Variants in ZNF407 observed in about 807,000 individuals in gnomAD.
The protein encoded by ZNF407 is zinc finger protein 407.
Under a neutral mutation model 131.2 loss-of-function variants are expected in ZNF407, and 17 were observed. The observed-to-expected ratio is 0.13, with a 90% CI of 0.09 to 0.19. The LOEUF (loss-of-function observed/expected upper bound fraction) is 0.19. ZNF407 is among the 10% of genes least tolerant of loss of function. The pLI is 1.00. For missense variants in ZNF407, 2,681 were observed against 2,830.6 expected (o/e 0.95, Z 1.20); for synonymous variants, 1,156 against 1,062.0 (o/e 1.09, Z -1.72).
chr18:74,665,379 C>T (rs942172052), intron 3 of ZNF407, among the ~76,000 whole-genome samples: 16 of 152,304 alleles, frequency 1.1e-4, no homozygotes, highest in South Asian at 2.1e-4. Context: ...GGGGAACCAG[C>T]TATTGTATCT....
At chr18:74,621,993 G>T (rs927924815) in intron 1 of ZNF407, among the ~76,000 whole-genome samples, 10 of 152,068 alleles carry the variant, frequency 6.6e-5, no homozygotes, top group African/African-American at 2.4e-4. Context: ...CTAGTGAATG[G>T]TTTTTTAGGG....
chr18:75,053,281 A>G (rs529459562), intron 8 of ZNF407, among the ~76,000 whole-genome samples: 1 of 152,298 alleles, frequency 6.6e-6, no homozygotes, highest in African/African-American at 2.4e-5. Flanking sequence ...TGCACAGTGC[A>G]CCAGGTGGAC....
intron 7 of ZNF407, among the ~76,000 whole-genome samples, chr18:74,915,651 T>TGTGC: frequency 8.6e-6 from 1 of 115,660 alleles, no homozygotes; most frequent in African/African-American, 3.5e-5. Context: ...TGCATGTGTG[T>TGTGC]GCTGGTATGG....
At chr18:74,942,188 T>A in intron 8 of ZNF407, among the ~76,000 whole-genome samples, 1 of 152,204 alleles carries the variant, frequency 6.6e-6, no homozygotes, top group South Asian at 2.1e-4. Context: ...CACCAGAAAC[T>A]TTTTTGCACG....
At chr18:74,980,921 ATTT>A (rs1275623479) in intron 8 of ZNF407, among the ~76,000 whole-genome samples, 20 of 152,058 alleles carry the variant, frequency 1.3e-4, no homozygotes, top group Admixed American at 1.2e-3. Flanking sequence ...GGATTGGAGT[ATTT>A]TTGCCATCTA....
intron 6 of ZNF407, among the ~76,000 whole-genome samples, chr18:74,883,434 A>C (rs1599219345): frequency 6.6e-6 from 1 of 152,306 alleles, no homozygotes; most frequent in East Asian, 1.9e-4. Context: ...ACCACAGAGT[A>C]CCCACGCAAA....
Position 74,810,420 on chromosome 18 carries a change from T to A in ZNF407, c.4877+28918T>A, listed in dbSNP as rs180929759. ...ACTGAATGATCATGTAGGATTCTGC[T>A]GTGAAATTCATGTGCATTTTAAAGC... On this transcript the variant is annotated intron_variant, in intron 4 of 8. Transcript: ENST00000299687. 2.6e-3 allele frequency among the ~76,000 whole-genome samples: 398 copies of A among 152,134 alleles called. 4 individuals carry two copies. Among genetic ancestry groups the A allele is most frequent in the African/African-American group, 9.1e-3 (376 of 41,492 alleles).
intron 8 of ZNF407, among the ~76,000 whole-genome samples, chr18:74,994,348 A>G (rs974701296): frequency 3.3e-5 from 5 of 152,262 alleles, no homozygotes; most frequent in Non-Finnish European, 5.9e-5. Context: ...TGCAACTTGT[A>G]AATTTGACAT....
chr18:74,743,712 C>T (rs1210590934), intron 3 of ZNF407, among the ~76,000 whole-genome samples: 3 of 151,870 alleles, frequency 2.0e-5, no homozygotes, highest in Non-Finnish European at 4.4e-5. Context: ...TTCCTTCTGC[C>T]ATTATCTCTA....
At chr18:74,920,998 A>G (rs1207375616) in intron 8 of ZNF407, 1 of 1,065,348 alleles carries the variant, frequency 9.4e-7, no homozygotes, top group Non-Finnish European at 1.1e-6. Flanking sequence ...TTAAATCTTC[A>G]TATGTTGACT....
At chr18:74,866,415 G>A (rs1288866277) in intron 4 of ZNF407, among the ~76,000 whole-genome samples, 1 of 152,140 alleles carries the variant, frequency 6.6e-6, no homozygotes, top group Non-Finnish European at 1.5e-5. Context: ...AGAAGGCCGA[G>A]ATGATGACAA....
intron 8 of ZNF407, among the ~76,000 whole-genome samples, chr18:75,054,246 T>C (rs566404393): frequency 6.6e-6 from 1 of 152,382 alleles, no homozygotes; most frequent in South Asian, 2.1e-4. Flanking sequence ...ATTAAAATAC[T>C]AACAGTTAGT....
intron 8 of ZNF407, among the ~76,000 whole-genome samples, chr18:75,034,413 C>T (rs1284187816): frequency 2.0e-5 from 3 of 149,934 alleles, no homozygotes; most frequent in African/African-American, 4.9e-5. Context: ...ATGCCATTCT[C>T]CTGCCTCAGC....
chr18:74,730,111 G>A (rs990224298), intron 3 of ZNF407, among the ~76,000 whole-genome samples: 13 of 152,208 alleles, frequency 8.5e-5, no homozygotes, highest in African/African-American at 3.1e-4. Flanking sequence ...CAGCACCAAT[G>A]AGATCATGTT....
intron 6 of ZNF407, among the ~76,000 whole-genome samples, chr18:74,881,896 G>A (rs1971243713): frequency 6.6e-6 from 1 of 152,178 alleles, no homozygotes; most frequent in African/African-American, 2.4e-5. Context: ...CGTGGCTCAG[G>A]AAGACCTCAC....
At chr18:74,960,889 G>A (rs965873200) in intron 8 of ZNF407, among the ~76,000 whole-genome samples, 3 of 150,258 alleles carry the variant, frequency 2.0e-5, no homozygotes, top group African/African-American at 7.4e-5. Context: ...TGGAGGGATA[G>A]GAGAAGGTCC....
Position 74,633,776 on chromosome 18 carries a change from CATTGTTGG to C in ZNF407, c.2758_2765del (p.Ile920ProfsTer2). The C allele has an allele frequency of 6.2e-7, 1 of 1,613,820 alleles. No homozygotes were observed. ...CAAGTGGAAAACACAGTTCAGATAT[CATTGTTGG>C]CCCTGAAGGGGGTAGCCTTGAAGCT... On this transcript the variant is annotated frameshift_variant, in exon 2 of 9. Transcript: ENST00000299687. LOFTEE classifies it high-confidence loss of function.
At chr18:74,958,646 G>A (rs184933803) in intron 8 of ZNF407, among the ~76,000 whole-genome samples, 2 of 152,322 alleles carry the variant, frequency 1.3e-5, no homozygotes, top group African/African-American at 4.8e-5. Flanking sequence ...TGAGTAAGCC[G>A]GGGCTCTCAG....
At chr18:74,914,209 G>A (rs997465294) in intron 7 of ZNF407, among the ~76,000 whole-genome samples, 1 of 152,214 alleles carries the variant, frequency 6.6e-6, no homozygotes, top group African/African-American at 2.4e-5. Flanking sequence ...TGCTCGTCGT[G>A]AGGAACGTCT....
Sources: allele counts gnomAD v4.1 joint callset (sites outside exome capture counted in the v4.1 genomes callset), GRCh38; gene constraint gnomAD v4.1.1; transcripts MANE v1.5; gene names NCBI Gene and HGNC (gene_info 2026-07-23, HGNC 2026-07-21).